AASS: variants seen among roughly 807,000 people sequenced by gnomAD.
AASS encodes aminoadipate-semialdehyde synthase.
AASS carries 86 observed loss-of-function variants against 105.4 expected under a neutral mutation model. That is an observed-to-expected ratio of 0.82 (90% CI 0.69 to 0.98). The LOEUF (loss-of-function observed/expected upper bound fraction) is 0.98. Ranked by LOEUF, AASS falls within the 50% of genes least tolerant of loss-of-function variation. AASS has a pLI of 0.00. For synonymous variants in AASS, 381 were observed against 394.8 expected, an observed-to-expected ratio of 0.96 and a Z score of 0.41; for missense variants, 1,048 against 1,143.2, an observed-to-expected ratio of 0.92 and a Z score of 1.20.
rs1382608730 is a variant in AASS at position 122,090,817 on chromosome 7, A to G, written c.2016+886T>C. ...CTGTTATCTTAACTCCCTAAACCTGATTTTTCCCCTTATAAAACTGTCATA... is the reference window on the plus strand; with the variant it reads ...CTGTTATCTTAACTCCCTAAACCTGGTTTTTCCCCTTATAAAACTGTCATA... On this transcript the variant is annotated intron_variant, in intron 18 of 23. Transcript: ENST00000417368. Among the ~76,000 whole-genome samples the G allele has an allele frequency of 3.9e-5, 6 of 151,978 alleles. No individual in the cohort carries two copies. The South Asian group carries it at 1.0e-3, about 26-fold the overall frequency.
intron 15 of AASS, among the ~76,000 whole-genome samples, chr7:122,097,550 T>C (rs1347854911): frequency 6.6e-6 from 1 of 152,146 alleles, no homozygotes; most frequent in East Asian, 1.9e-4. Flanking sequence ...CAGGCCCTGA[T>C]GTCTGTTGTT....
At position 122,133,686 on chromosome 7, in the gene AASS, A is replaced by AC; in HGVS notation, c.40dup (p.Val14GlyfsTer56). On this transcript the variant is annotated frameshift_variant, in exon 2 of 24. Transcript: ENST00000417368. LOFTEE classifies it high-confidence loss of function. ...GTGGTGAAGACCCTTGGAGAGGCTG[A>AC]CCCCCAGCCTGCCCAGTCCAGTCCT... is the stretch of plus-strand genomic sequence containing the variant. 1 of 1,613,916 alleles carries AC rather than the reference A, an allele frequency of 6.2e-7. No homozygotes were observed. The highest frequency in any genetic ancestry group is 8.5e-7 in the Non-Finnish European group (1 of 1,179,996).
intron 15 of AASS, 119 bp downstream of exon 15, chr7:122,098,331 T>C: frequency 2.2e-5 from 24 of 1,086,546 alleles, no homozygotes; most frequent in Middle Eastern, 2.3e-4. Flanking sequence ...TCTGGACCCA[T>C]ACTTCAATTA....
intron 4 of AASS, among the ~76,000 whole-genome samples, chr7:122,121,629 A>G (rs539862573): frequency 3.3e-5 from 5 of 152,268 alleles, no homozygotes; most frequent in African/African-American, 1.2e-4. Context: ...CCTGAGCTCA[A>G]GCAATCAGCC....
intron 11 of AASS, among the ~76,000 whole-genome samples, chr7:122,106,141 A>C (rs1794654167): frequency 1.3e-5 from 2 of 152,032 alleles, no homozygotes; most frequent in Admixed American, 1.3e-4. Flanking sequence ...CTAGATATAG[A>C]ATCATGTCAT....
rs1224950995 is a variant in AASS, at chr7:122,074,427, T to A, written c.*2062A>T. ...TTTTAAAAAAAATTATCTCATTCTG[T>A]GGGTTGTATTTTTGCTTTCTTGATA... On this transcript the variant is annotated 3_prime_UTR_variant, in exon 24 of 24. Coordinates refer to ENST00000417368, the MANE Select transcript of AASS (RefSeq NM_005763.4). Among the ~76,000 whole-genome samples the A allele has an allele frequency of 6.6e-6, 1 of 152,188 alleles. No homozygotes were observed. Among genetic ancestry groups the A allele is most frequent in the Non-Finnish European group, 1.5e-5 (1 of 68,028 alleles).
chr7:122,118,236 G>A (rs279677), intron 6 of AASS, 71 bp downstream of exon 6: 36 of 1,558,912 alleles, frequency 2.3e-5, no homozygotes, highest in Non-Finnish European at 3.2e-5. Flanking sequence ...CCACAAAATG[G>A]CTGCCCACAT....
chr7:122,097,846 A>T (rs1329867642), intron 15 of AASS, among the ~76,000 whole-genome samples: 2 of 152,084 alleles, frequency 1.3e-5, no homozygotes, highest in Admixed American at 1.3e-4. Context: ...ACAGAAATGT[A>T]TAATTACTGT....
In AASS at chr7:122,075,770, A is replaced by G; in HGVS notation, c.*719T>C. On this transcript the variant is annotated 3_prime_UTR_variant, in exon 24 of 24. Transcript: ENST00000417368. ...TCAAGAGAAAACTATAAGGAACTAT[A>G]TTTACAAAATAAATCATAACTTTAC... is the stretch of plus-strand genomic sequence containing the variant. The G allele has an allele frequency of 6.6e-6, 1 of 152,322 alleles. No individual in the cohort carries two copies. Among genetic ancestry groups the G allele is most frequent in the South Asian group, 2.1e-4 (1 of 4,834 alleles). The allele number at this position is 152,322 out of a possible 1,614,324, so 9.4% of individuals were successfully genotyped here. A position where few individuals can be genotyped will look rare whatever the true frequency, so the allele number is the denominator to read the frequency against.
Position 122,116,663 on chromosome 7 carries a change from C to T in AASS, c.864G>A (p.Pro288=), listed in dbSNP as rs764200625. The T allele has an allele frequency of 1.2e-5, 19 of 1,613,884 alleles. No individual in the cohort carries two copies. Among genetic ancestry groups the T allele is most frequent in the African/African-American group, 1.1e-4 (8 of 74,886 alleles). The change falls in exon 8 of 24, where the codon CCG becomes CCA. Residue 288 remains proline, a synonymous_variant. Coordinates refer to ENST00000417368, the MANE Select transcript of AASS (RefSeq NM_005763.4). ...TATTAAAACGACTTATGTAGCGCTC[C>T]GGATGTTTGTCATACTCTGCAGGAT... ...VYDPAEYDKH[P]ERYISRFNTD...
chr7:122,101,698 T>A lies in AASS; in HGVS notation c.1279-18A>T. ...GATAATATCTGAAAGGAAAATGAGA[T>A]TTGTAAGAGATAAATGACACTGCAA... On this transcript the variant is annotated intron_variant, in intron 11 of 23. Transcript: ENST00000417368. 6.2e-7 allele frequency: 1 copy of A among 1,600,492 alleles called. No homozygotes were observed. Among genetic ancestry groups the A allele is most frequent in the Non-Finnish European group, 8.6e-7 (1 of 1,168,562 alleles).
In AASS at chr7:122,115,227, A is replaced by G; in HGVS notation, c.895-5T>C. The stretch of plus-strand genomic sequence containing the variant: ...GCAAGTTGTATAGGGTGCAATCTGT[A>G]ATGCAAGTTCCAGGTTCAAGAAAAT... On this transcript the variant is annotated splice_polypyrimidine_tract_variant and splice_region_variant and intron_variant, in intron 8 of 23. Coordinates refer to ENST00000417368, the MANE Select transcript of AASS (RefSeq NM_005763.4). 1.2e-6 allele frequency: 2 copies of G among 1,614,110 alleles called. No individual in the cohort carries two copies. Among genetic ancestry groups the G allele is most frequent in the Non-Finnish European group, 1.7e-6 (2 of 1,179,984 alleles).
rs1395650448 is a variant in AASS, at chr7:122,078,877, T to A, written c.2470A>T (p.Met824Leu). 2 of 1,613,980 alleles carry A rather than the reference T, an allele frequency of 1.2e-6. No homozygotes were observed. Among genetic ancestry groups the A allele is most frequent in the Admixed American group, 1.7e-5 (1 of 60,008 alleles). The change falls in exon 22 of 24, where the codon ATG becomes TTG. Residue 824 changes from methionine to leucine, a missense_variant. Physicochemically the swap from Met to Leu is conservative, Grantham distance 15. Coordinates refer to ENST00000417368, the MANE Select transcript of AASS (RefSeq NM_005763.4). ...ILDALSKHLVMKLSYGPEEKD... is the reference protein window; with the variant it reads ...ILDALSKHLVLKLSYGPEEKD... ...CATGGCCTACCATAGGAAAGCTTCA[T>A]GACCAAATGCTTGGAGAGGGCATCC...
chr7:122,076,257 A>G lies in AASS; in HGVS notation c.*232T>C, dbSNP rs1303186568. 1 of 477,282 alleles carries G rather than the reference A, an allele frequency of 2.1e-6. No homozygotes were observed. Among genetic ancestry groups the G allele is most frequent in the South Asian group, 2.8e-5 (1 of 35,546 alleles). The allele number at this position is 477,282 out of a possible 1,614,324, so 29.6% of individuals were successfully genotyped here. On this transcript the variant is annotated 3_prime_UTR_variant, in exon 24 of 24. Coordinates refer to ENST00000417368, the MANE Select transcript of AASS (RefSeq NM_005763.4). ...AATAGCATGATCATCACTTTCACAT[A>G]CGTATTTATAAAATACAGGGTAGAA...
chr7:122,143,409 G>A (rs1268734407), intron 1 of AASS, among the ~76,000 whole-genome samples: 1 of 148,392 alleles, frequency 6.7e-6, no homozygotes, highest in Non-Finnish European at 1.5e-5. Flanking sequence ...TTCTGAAGCT[G>A]TCAGGATAGA....
chr7:122,137,100 A>G (rs915317086), intron 1 of AASS, among the ~76,000 whole-genome samples: 1 of 152,226 alleles, frequency 6.6e-6, no homozygotes, highest in South Asian at 2.1e-4. Flanking sequence ...TGTAACTTTC[A>G]TTATTTAAAC....
rs578172088 is a variant in AASS, at chr7:122,076,177, A to C, written c.*312T>G. On this transcript the variant is annotated 3_prime_UTR_variant, in exon 24 of 24. Coordinates refer to ENST00000417368, the MANE Select transcript of AASS (RefSeq NM_005763.4). ...TGACAGAGCGAGACTCCATCTCAAA[A>C]AACAACAACAACAAAAAAAAAACAA... The C allele has an allele frequency of 8.8e-5, 27 of 305,464 alleles. 1 individual carries two copies. The highest frequency in any genetic ancestry group is 1.6e-4 in the South Asian group (5 of 32,218). 18.9% of individuals were successfully genotyped at this position (305,464 alleles called of 1,614,324 possible).
chr7:122,096,851 T>C (rs1481358580), intron 15 of AASS, among the ~76,000 whole-genome samples: 2 of 152,104 alleles, frequency 1.3e-5, no homozygotes, highest in Non-Finnish European at 2.9e-5. Flanking sequence ...TTATTTCAGA[T>C]TCTGTTCCAA....
chr7:122,122,357 G>T (rs182846447), intron 4 of AASS, among the ~76,000 whole-genome samples: 5 of 152,284 alleles, frequency 3.3e-5, no homozygotes, highest in Non-Finnish European at 7.4e-5. Flanking sequence ...GTGAACAAAT[G>T]CTCTAATACG....
Sources: gnomAD v4.1 joint callset for allele counts (sites outside exome capture counted in the v4.1 genomes callset) on GRCh38, gnomAD v4.1.1 for gene constraint, MANE v1.5 for transcripts, NCBI Gene and HGNC (gene_info 2026-07-23, HGNC 2026-07-21) for gene names.